The following FBXL7 variants were observed in gnomAD, a reference collection of about 807,000 sequenced individuals.
FBXL7 encodes the protein F-box and leucine rich repeat protein 7.
FBXL7 carries 12 observed loss-of-function variants against 38.3 expected under a neutral mutation model. That is an observed-to-expected ratio of 0.31 (90% confidence interval 0.20 to 0.51). The LOEUF (loss-of-function observed/expected upper bound fraction) is 0.51. Among genes scored for constraint, FBXL7 ranks in the 20% least tolerant of loss-of-function variants. FBXL7 has a pLI of 0.98. For synonymous variants in FBXL7, 297 were observed against 300.9 expected (o/e 0.99, Z 0.13); for missense variants, 567 against 676.4 (o/e 0.84, Z 1.79).
In FBXL7 at chr5:15,938,183, C is replaced by G. The variant is rs985446152; in HGVS notation, c.*997C>G. ...TACACAAATACTTTCTGCATTCCCCCCTCCACACCATCCTAGCGAGGCACC... is the reference window on the plus strand; with the variant it reads ...TACACAAATACTTTCTGCATTCCCCGCTCCACACCATCCTAGCGAGGCACC... On this transcript the variant is annotated 3_prime_UTR_variant, in exon 4 of 4. Coordinates refer to ENST00000504595, the MANE Select transcript of FBXL7 (RefSeq NM_012304.5). The G allele has an allele frequency of 2.0e-5, 3 of 152,180 alleles. No homozygotes were observed. Among genetic ancestry groups the G allele is most frequent in the African/African-American group, 7.2e-5 (3 of 41,420 alleles). The allele number at this position is 152,180 out of a possible 1,614,324, so 9.4% of individuals were successfully genotyped here.
At chr5:15,573,398 A>G (rs1738850541) in intron 1 of FBXL7, among the ~76,000 whole-genome samples, 1 of 152,200 alleles carries the variant, frequency 6.6e-6, no homozygotes, top group African/African-American at 2.4e-5. Flanking sequence ...AAGATGGTCA[A>G]ACCAGCTCAA....
At chr5:15,618,305 A>T (rs1246886534) in intron 2 of FBXL7, among the ~76,000 whole-genome samples, 2 of 152,258 alleles carry the variant, frequency 1.3e-5, no homozygotes, top group African/African-American at 4.8e-5. Context: ...GCTTTTAAGT[A>T]GAAGAGGCTT....
At chr5:15,780,060 T>C (rs1427813929) in intron 2 of FBXL7, among the ~76,000 whole-genome samples, 1 of 152,152 alleles carries the variant, frequency 6.6e-6, no homozygotes, top group Non-Finnish European at 1.5e-5. Context: ...TGGCCAGTCC[T>C]CCTTTGAAAC....
chr5:15,881,240 T>C (rs1478714539), intron 2 of FBXL7, among the ~76,000 whole-genome samples: 1 of 152,142 alleles, frequency 6.6e-6, no homozygotes, highest in Non-Finnish European at 1.5e-5. Context: ...TGCATCCTCA[T>C]AGCTTAGCTC....
At chr5:15,571,842 G>A (rs1206477999) in intron 1 of FBXL7, among the ~76,000 whole-genome samples, 1 of 152,010 alleles carries the variant, frequency 6.6e-6, no homozygotes, top group African/African-American at 2.4e-5. Context: ...CCTCAGGGAG[G>A]GCAGATAAAG....
At chr5:15,863,145 A>G (rs1739548197) in intron 2 of FBXL7, among the ~76,000 whole-genome samples, 1 of 152,204 alleles carries the variant, frequency 6.6e-6, no homozygotes, top group Admixed American at 6.5e-5. Flanking sequence ...GAGGTAGCAG[A>G]CGTCCACTCT....
chr5:15,930,634 T>C (rs1742015006), intron 3 of FBXL7, among the ~76,000 whole-genome samples: 1 of 152,230 alleles, frequency 6.6e-6, no homozygotes, highest in African/African-American at 2.4e-5. Context: ...TATGTTAACC[T>C]GCTTACTTTG....
intron 2 of FBXL7, among the ~76,000 whole-genome samples, chr5:15,853,424 G>A (rs1054038622): frequency 2.6e-5 from 4 of 152,194 alleles, no homozygotes; most frequent in Non-Finnish European, 5.9e-5. Context: ...CACGGAGAAG[G>A]CATGGCTGGG....
chr5:15,918,571 A>G, intron 2 of FBXL7, among the ~76,000 whole-genome samples: 1 of 152,208 alleles, frequency 6.6e-6, no homozygotes, highest in East Asian at 1.9e-4. Context: ...GAAAAACAAA[A>G]CCCACGCTTA....
At chr5:15,762,139 C>T (rs1052563823) in intron 2 of FBXL7, among the ~76,000 whole-genome samples, 1 of 152,136 alleles carries the variant, frequency 6.6e-6, no homozygotes, top group Non-Finnish European at 1.5e-5. Flanking sequence ...ACTCACATAG[C>T]TGATAGCAGG....
intron 2 of FBXL7, among the ~76,000 whole-genome samples, chr5:15,655,451 G>A (rs1380288960): frequency 1.3e-5 from 2 of 150,864 alleles, no homozygotes; most frequent in East Asian, 2.0e-4. Context: ...CCGAGATCTC[G>A]TCACTGCACT....
intron 2 of FBXL7, among the ~76,000 whole-genome samples, chr5:15,873,244 G>C (rs1170438137): frequency 2.0e-5 from 3 of 152,116 alleles, no homozygotes; most frequent in African/African-American, 4.8e-5. Flanking sequence ...ACCAGAATCT[G>C]TGGGACACAG....
intron 2 of FBXL7, among the ~76,000 whole-genome samples, chr5:15,708,347 C>A (rs1579395649): frequency 6.6e-6 from 1 of 152,186 alleles, no homozygotes; most frequent in African/African-American, 2.4e-5. Flanking sequence ...CATTGTAGGA[C>A]CTGGTCTGCT....
intron 1 of FBXL7, among the ~76,000 whole-genome samples, chr5:15,601,276 G>A (rs910351433): frequency 2.5e-5 from 1 of 40,660 alleles, no homozygotes; most frequent in African/African-American, 7.6e-5. Flanking sequence ...TGATCTGTGA[G>A]ATCTTGGGAG....
intron 1 of FBXL7, among the ~76,000 whole-genome samples, chr5:15,553,337 C>T (rs1453389465): frequency 6.6e-6 from 1 of 152,178 alleles, no homozygotes; most frequent in Admixed American, 6.5e-5. Context: ...ACCTTGTTGG[C>T]CTCTACTTAG....
chr5:15,760,550 A>G (rs1456201356), intron 2 of FBXL7, among the ~76,000 whole-genome samples: 2 of 151,958 alleles, frequency 1.3e-5, no homozygotes. Context: ...ATTGAGCTTT[A>G]CCTAGGAAAT....
At chr5:15,814,414 C>T (rs1321874647) in intron 2 of FBXL7, among the ~76,000 whole-genome samples, 1 of 151,998 alleles carries the variant, frequency 6.6e-6, no homozygotes, top group Non-Finnish European at 1.5e-5. Flanking sequence ...ACATCGCACA[C>T]TGGGGCCTGT....
At chr5:15,825,381 GA>G (rs950014811) in intron 2 of FBXL7, among the ~76,000 whole-genome samples, 24 of 146,984 alleles carry the variant, frequency 1.6e-4, no homozygotes, top group Admixed American at 4.7e-4. Flanking sequence ...TTATTTGGAA[GA>G]AAAAAAAAAC....
intron 2 of FBXL7, among the ~76,000 whole-genome samples, chr5:15,706,522 G>A (rs1579394077): frequency 1.3e-5 from 2 of 152,172 alleles, no homozygotes; most frequent in Admixed American, 1.3e-4. Flanking sequence ...GCTAATAGAG[G>A]GGAGATGGGA....
Sources: gnomAD v4.1 joint callset for allele counts (sites outside exome capture counted in the v4.1 genomes callset) on GRCh38, gnomAD v4.1.1 for gene constraint, MANE v1.5 for transcripts, NCBI Gene and HGNC (gene_info 2026-07-23, HGNC 2026-07-21) for gene names.